Variants in PIK3R4 observed in about 807,000 individuals in gnomAD.
PIK3R4 encodes phosphoinositide-3-kinase regulatory subunit 4.
PIK3R4 carries 46 observed loss-of-function variants against 136.5 expected under a neutral mutation model. The observed-to-expected ratio is 0.34, with a 90% CI of 0.27 to 0.43. The LOEUF is 0.43. PIK3R4 is among the 20% of genes least tolerant of loss of function. The pLI is 1.00. For missense variants in PIK3R4, 1,331 were observed against 1,649.5 expected, an observed-to-expected ratio of 0.81 and a Z score of 3.35; for synonymous variants, 557 against 566.7, an observed-to-expected ratio of 0.98 and a Z score of 0.24.
chr3:130,682,516 T>A (rs1345296365), intron 16 of PIK3R4, among the ~76,000 whole-genome samples: 2 of 152,160 alleles, frequency 1.3e-5, no homozygotes, highest in Non-Finnish European at 2.9e-5. Context: ...TACTTGCCTA[T>A]GGGAAACCGC....
intron 13 of PIK3R4, among the ~76,000 whole-genome samples, chr3:130,698,106 G>A (rs779429797): frequency 6.4e-4 from 98 of 152,258 alleles, no homozygotes; most frequent in Admixed American, 1.1e-3. Flanking sequence ...TGTATGTGAT[G>A]AGTCACTTTT....
intron 15 of PIK3R4, 55 bp from the exon 16 acceptor site, chr3:130,684,436 T>C (rs976568213): frequency 7.4e-6 from 11 of 1,486,684 alleles, no homozygotes; most frequent in African/African-American, 1.4e-5. Context: ...TGCATCAAGC[T>C]GCATTTATAC....
At chr3:130,686,726 G>A (rs912915620) in intron 14 of PIK3R4, among the ~76,000 whole-genome samples, 4 of 152,112 alleles carry the variant, frequency 2.6e-5, no homozygotes, top group Non-Finnish European at 5.9e-5. Context: ...TACAGAACGT[G>A]TTCTGATTTT....
chr3:130,734,223 A>G, intron 3 of PIK3R4, 93 bp from the exon 4 acceptor site: 1 of 991,708 alleles, frequency 1.0e-6, no homozygotes, highest in Non-Finnish European at 1.5e-6. Context: ...TACGATTTAA[A>G]GGATCTTTCA....
chr3:130,733,795 C>T lies in PIK3R4; in HGVS notation c.1203G>A (p.Leu401=). The change falls in exon 4 of 20, where the codon CTG becomes CTA. Residue 401 remains leucine (L), a synonymous_variant. Coordinates refer to ENST00000356763, the MANE Select transcript of PIK3R4 (RefSeq NM_014602.3). ...YCDSKLAALE[L]ILHLAPRLSV... ...TTAATCTTGGAGCCAAATGAAGAAT[C>T]AGTTCCAAAGCAGCTAGTTTGGAAT... The T allele has an allele frequency of 6.2e-7, 1 of 1,614,102 alleles. No individual in the cohort carries two copies. Among genetic ancestry groups the T allele is most frequent in the Non-Finnish European group, 8.5e-7 (1 of 1,179,966 alleles).
At chr3:130,716,809 C>CAT (rs111776771) in intron 8 of PIK3R4, among the ~76,000 whole-genome samples, 31,275 of 152,046 alleles carry the variant, frequency 0.21, 3,463 homozygotes, top group South Asian at 0.36. Flanking sequence ...CTAGACCACA[C>CAT]GTGTGTCTGT....
At chr3:130,680,462 A>AT in intron 19 of PIK3R4, 151 bp downstream of exon 19, 2 of 495,222 alleles carry the variant, frequency 4.0e-6, no homozygotes, top group Non-Finnish European at 7.2e-6. Flanking sequence ...ATAAAAGTTA[A>AT]TTTTTTTAAA....
At chr3:130,721,476 AGTC>A (rs1038480745) in intron 7 of PIK3R4, among the ~76,000 whole-genome samples, 3 of 152,358 alleles carry the variant, frequency 2.0e-5, no homozygotes, top group African/African-American at 7.2e-5. Context: ...TATTCACAAG[AGTC>A]GACATAGGAA....
chr3:130,704,770 T>G (rs2066597126), intron 12 of PIK3R4, among the ~76,000 whole-genome samples: 1 of 152,168 alleles, frequency 6.6e-6, no homozygotes, highest in South Asian at 2.1e-4. Context: ...ATTTTAATGT[T>G]GATCATCGTT....
Position 130,705,628 on chromosome 3 carries a change from G to C in PIK3R4, c.2865C>G (p.Cys955Trp), listed in dbSNP as rs892570259. 6.2e-7 allele frequency: 1 copy of C among 1,613,686 alleles called. No homozygotes were observed. Among genetic ancestry groups the C allele is most frequent in the Non-Finnish European group, 8.5e-7 (1 of 1,179,622 alleles). Residue 955 changes from cysteine to tryptophan, a missense_variant, in exon 12 of 20, where the codon TGC becomes TGG. Cys to Trp is a radical substitution (Grantham distance 215). Around this residue, in one of 2 missense-constraint regions of PIK3R4, gnomAD observed 1,180 missense variants for 1,407.0 expected, o/e 0.84. Coordinates refer to ENST00000356763, the MANE Select transcript of PIK3R4 (RefSeq NM_014602.3). ...QQLIQQKREQCNAERIAKQMM... is the reference protein window; with the variant it reads ...QQLIQQKREQWNAERIAKQMM... ...TCTGCTTAGCTATTCTCTCAGCATT[G>C]CACTGCTCCCGCTTTTGCTGGATGA... is the stretch of plus-strand genomic sequence containing the variant.
chr3:130,709,804 T>C (rs758078979), intron 9 of PIK3R4, among the ~76,000 whole-genome samples: 5 of 152,144 alleles, frequency 3.3e-5, no homozygotes, highest in Non-Finnish European at 7.4e-5. Flanking sequence ...ATTCCATCAA[T>C]ATGAAATGTC....
Position 130,686,420 on chromosome 3 carries a change from A to C in PIK3R4, c.3266T>G (p.Ile1089Ser). ...SPKIHPLQSR[I>S]LDQKEDGCVV... is the part of the protein sequence containing the mutation. ...ACAACCGTCCTCCTTCTGATCTAGA[A>C]TTCTAGAGAAATACACAAAGCACAG... is the stretch of plus-strand genomic sequence containing the variant. Residue 1089 changes from isoleucine to serine, a missense_variant and splice_region_variant, in exon 15 of 20, where the codon ATT becomes AGT. Ile to Ser is a moderately radical substitution (Grantham distance 142). Around this residue, in one of 2 missense-constraint regions of PIK3R4, gnomAD observed 1,180 missense variants for 1,407.0 expected, o/e 0.84. Transcript: ENST00000356763. The C allele has an allele frequency of 6.3e-7, 1 of 1,593,848 alleles. No individual in the cohort carries two copies. Among genetic ancestry groups the C allele is most frequent in the South Asian group, 1.1e-5 (1 of 90,656 alleles).
At position 130,705,762 on chromosome 3, in the gene PIK3R4, CT is replaced by C; in HGVS notation, c.2730del (p.Val911Ter). 6.3e-7 allele frequency: 1 copy of C among 1,590,752 alleles called. No homozygotes were observed. The highest frequency in any genetic ancestry group is 8.6e-7 in the Non-Finnish European group (1 of 1,159,072). The part of the protein sequence containing the change: ...VPLSTSSQVP[E>X]VTTVQNKKPV... The stretch of plus-strand genomic sequence containing the variant: ...GGTTTTTTATTTTGGACAGTTGTCA[CT>C]TCTGGAACCTACAAAACAAATAGAA... On this transcript the variant is annotated frameshift_variant, in exon 12 of 20. Coordinates refer to ENST00000356763, the MANE Select transcript of PIK3R4 (RefSeq NM_014602.3). LOFTEE classifies it high-confidence loss of function.
rs537660636 is a variant in PIK3R4, at chr3:130,715,547, T to C, written c.2331+849A>G. Among the ~76,000 whole-genome samples, 27 of 152,316 alleles carry C rather than the reference T, an allele frequency of 1.8e-4. 1 individual carries two copies. Among genetic ancestry groups the C allele is most frequent in the South Asian group, 6.2e-4 (3 of 4,834 alleles). On this transcript the variant is annotated intron_variant, in intron 9 of 19. Transcript: ENST00000356763. Reference sequence around the variant, plus strand: ...CTTTTTTTCATATGTTTGTTGGCTATGGAAATGTCTTTTTTTGAAAAGTGT... The same window carrying C: ...CTTTTTTTCATATGTTTGTTGGCTACGGAAATGTCTTTTTTTGAAAAGTGT...
chr3:130,688,790 G>A (rs1409735644), intron 14 of PIK3R4, among the ~76,000 whole-genome samples: 2 of 152,132 alleles, frequency 1.3e-5, no homozygotes, highest in African/African-American at 4.8e-5. Context: ...TCAGAGGTCA[G>A]CAAACATCAT....
chr3:130,682,544 AG>A (rs923596837), intron 16 of PIK3R4, among the ~76,000 whole-genome samples: 45 of 152,252 alleles, frequency 3.0e-4, no homozygotes, highest in African/African-American at 9.6e-4. Flanking sequence ...GATCAAAGGG[AG>A]GGAGGGAAGA....
chr3:130,694,046 C>CA (rs554894597), intron 13 of PIK3R4, among the ~76,000 whole-genome samples: 97 of 147,190 alleles, frequency 6.6e-4, no homozygotes, highest in African/African-American at 1.5e-3. Context: ...ACACCTCTGT[C>CA]AAAAAAAAAA....
chr3:130,727,344 C>CT (rs978184246), intron 6 of PIK3R4, among the ~76,000 whole-genome samples: 2 of 151,844 alleles, frequency 1.3e-5, no homozygotes, highest in East Asian at 3.9e-4. Flanking sequence ...CCTCAGCCCC[C>CT]CTCCCGCCGC....
Position 130,703,565 on chromosome 3 carries a change from C to T in PIK3R4, c.3098+158G>A, listed in dbSNP as rs74909067. 3.3e-5 allele frequency among the ~76,000 whole-genome samples: 5 copies of T among 152,028 alleles called. No individual in the cohort carries two copies. The East Asian group carries it at 9.7e-4, about 29-fold the overall frequency. ...TTACTTATACTTTCATTGTCTCTCA[C>T]TTTCCACTAGAAGGTAAACTCCACA... On this transcript the variant is annotated intron_variant, in intron 13 of 19. Coordinates refer to ENST00000356763, the MANE Select transcript of PIK3R4 (RefSeq NM_014602.3).
Sources: allele counts gnomAD v4.1 joint callset (sites outside exome capture counted in the v4.1 genomes callset), GRCh38; gene constraint gnomAD v4.1.1; regional missense constraint gnomAD v4.1.1; transcripts MANE v1.5; gene names NCBI Gene and HGNC (gene_info 2026-07-23, HGNC 2026-07-21).